Variants in NPAS3 observed in about 807,000 individuals in gnomAD.
NPAS3 encodes neuronal PAS domain-containing protein 3.
A neutral mutation model predicts 73.1 loss-of-function variants in NPAS3; 14 were observed. The observed-to-expected ratio is 0.19, with a 90% confidence interval of 0.13 to 0.30. NPAS3 has a LOEUF of 0.30. Ranked by LOEUF, NPAS3 falls within the 10% of genes least tolerant of loss-of-function variation. The pLI is 1.00. For missense variants in NPAS3, 1,096 were observed against 1,250.0 expected (o/e 0.88, Z 1.86); for synonymous variants, 620 against 541.5 (o/e 1.14, Z -2.01).
chr14:33,121,296 A>G (rs78433532), intron 2 of NPAS3, among the ~76,000 whole-genome samples: 7,624 of 152,200 alleles, frequency 0.05, 243 homozygotes, highest in African/African-American at 0.09. Context: ...ACCAGTTCCT[A>G]CGTCTTTGAG....
chr14:32,970,543 G>C (rs1566415801), intron 1 of NPAS3, among the ~76,000 whole-genome samples: 1 of 152,106 alleles, frequency 6.6e-6, no homozygotes, highest in Non-Finnish European at 1.5e-5. Context: ...ATTTCTTGGG[G>C]ATGTTGTAAT....
chr14:33,704,489 T>C (rs906644193), intron 6 of NPAS3, among the ~76,000 whole-genome samples: 1 of 152,180 alleles, frequency 6.6e-6, no homozygotes, highest in Non-Finnish European at 1.5e-5. Flanking sequence ...AAATCTCAAA[T>C]ATAAAAATAA....
chr14:32,935,476 T>A (rs1282951686), upstream of NPAS3, among the ~76,000 whole-genome samples: 1 of 152,230 alleles, frequency 6.6e-6, no homozygotes, highest in Non-Finnish European at 1.5e-5. Context: ...AACTTGCAAT[T>A]CTACATAATA....
intron 2 of NPAS3, among the ~76,000 whole-genome samples, chr14:33,087,434 A>C (rs2042075359): frequency 1.3e-5 from 2 of 151,828 alleles, no homozygotes; most frequent in Non-Finnish European, 2.9e-5. Context: ...AAAAATAAGG[A>C]CTTCTGTGCA....
intron 6 of NPAS3, among the ~76,000 whole-genome samples, chr14:33,726,262 G>A (rs140270819): frequency 1.4e-3 from 216 of 152,296 alleles, no homozygotes; most frequent in African/African-American, 4.9e-3. Context: ...ACATCTGAGA[G>A]CATTGGACAC....
At chr14:33,402,305 G>C (rs1340052767) in intron 4 of NPAS3, among the ~76,000 whole-genome samples, 1 of 152,042 alleles carries the variant, frequency 6.6e-6, no homozygotes. Flanking sequence ...AGGATAAATT[G>C]ATACTTTTCC....
intron 2 of NPAS3, among the ~76,000 whole-genome samples, chr14:33,105,882 A>G (rs1166666407): frequency 1.3e-5 from 2 of 152,176 alleles, no homozygotes; most frequent in African/African-American, 2.4e-5. Context: ...AATTATTCCT[A>G]CAGGAGTTAT....
At chr14:33,735,369 A>C (rs777736607) in intron 7 of NPAS3, 37 bp downstream of exon 7, 14 of 1,380,420 alleles carry the variant, frequency 1.0e-5, no homozygotes, top group African/African-American at 1.4e-5. Flanking sequence ...TTGCTGTCTC[A>C]GGCCAGTCCT....
At chr14:33,708,713 G>C (rs532674509) in intron 6 of NPAS3, among the ~76,000 whole-genome samples, 1 of 152,164 alleles carries the variant, frequency 6.6e-6, no homozygotes, top group Non-Finnish European at 1.5e-5. Context: ...ACATGGAGGT[G>C]GGGGGAGCAG....
chr14:33,243,213 G>T (rs1014408546), intron 3 of NPAS3, among the ~76,000 whole-genome samples: 6 of 152,070 alleles, frequency 3.9e-5, no homozygotes, highest in Non-Finnish European at 7.4e-5. Flanking sequence ...AAAAATAAAT[G>T]AATAACTTTA....
At chr14:33,558,396 G>A (rs1175823062) in intron 4 of NPAS3, among the ~76,000 whole-genome samples, 1 of 151,998 alleles carries the variant, frequency 6.6e-6, no homozygotes, top group Non-Finnish European at 1.5e-5. Flanking sequence ...AAGTATCTGG[G>A]ATTACAGGTG....
chr14:33,431,690 T>A (rs1398320227), intron 4 of NPAS3, among the ~76,000 whole-genome samples: 1 of 152,184 alleles, frequency 6.6e-6, no homozygotes, highest in Non-Finnish European at 1.5e-5. Flanking sequence ...GATGTATCCA[T>A]TTATTAAAAT....
At chr14:33,682,229 A>ATGCATTC (rs375130726) in intron 6 of NPAS3, among the ~76,000 whole-genome samples, 14 of 152,318 alleles carry the variant, frequency 9.2e-5, no homozygotes, top group African/African-American at 3.4e-4. Flanking sequence ...TTGATTTAAA[A>ATGCATTC]TGCATTCCTA....
intron 1 of NPAS3, among the ~76,000 whole-genome samples, chr14:33,024,685 A>G (rs564810257): frequency 2.4e-4 from 37 of 152,344 alleles, no homozygotes; most frequent in African/African-American, 8.9e-4. Flanking sequence ...TGAAAATTAC[A>G]TATATATCAA....
chr14:33,731,252 AC>A (rs2061391176), intron 6 of NPAS3, among the ~76,000 whole-genome samples: 2 of 151,932 alleles, frequency 1.3e-5, no homozygotes, highest in Non-Finnish European at 2.9e-5. Flanking sequence ...ATACTAAAAA[AC>A]ATTTAAAAAT....
chr14:33,578,807 A>G (rs1037977877), intron 5 of NPAS3, among the ~76,000 whole-genome samples: 2 of 152,198 alleles, frequency 1.3e-5, no homozygotes, highest in African/African-American at 4.8e-5. Flanking sequence ...TTTATTCATC[A>G]TCTAATGAAA....
At chr14:33,749,945 A>G (rs903108865) in intron 7 of NPAS3, among the ~76,000 whole-genome samples, 1 of 152,194 alleles carries the variant, frequency 6.6e-6, no homozygotes, top group Non-Finnish European at 1.5e-5. Flanking sequence ...ACAAGAGCCC[A>G]GGAAACACTT....
intron 1 of NPAS3, among the ~76,000 whole-genome samples, chr14:33,033,733 T>A (rs2040073347): frequency 6.6e-6 from 1 of 152,180 alleles, no homozygotes; most frequent in African/African-American, 2.4e-5. Context: ...ATCAGTTACC[T>A]CTCATCACTT....
chr14:33,134,455 G>T (rs1259638371), intron 2 of NPAS3, among the ~76,000 whole-genome samples: 1 of 152,042 alleles, frequency 6.6e-6, no homozygotes, highest in African/African-American at 2.4e-5. Flanking sequence ...AGTTTTGTAG[G>T]CAAATACTTT....
Sources: gnomAD v4.1 joint callset for allele counts (sites outside exome capture counted in the v4.1 genomes callset) on GRCh38, gnomAD v4.1.1 for gene constraint, MANE v1.5 for transcripts, NCBI Gene and HGNC (gene_info 2026-07-23, HGNC 2026-07-21) for gene names.